The following BCL2L1 variants were observed in gnomAD, a reference collection of about 807,000 sequenced individuals.
The protein encoded by BCL2L1 is bcl-2-like protein 1.
In BCL2L1, 1 loss-of-function variant was observed where a neutral mutation model predicts 18.7. The observed-to-expected ratio is 0.05, with a 90% CI of 0.02 to 0.25. The LOEUF is 0.25. Among genes scored for constraint, BCL2L1 ranks in the 10% least tolerant of loss-of-function variants. BCL2L1 has a pLI of 1.00. For synonymous variants in BCL2L1, 103 were observed against 122.7 expected, an observed-to-expected ratio of 0.84 and a Z score of 1.06; for missense variants, 207 against 304.9, an observed-to-expected ratio of 0.68 and a Z score of 2.39.
At position 31,690,663 on chromosome 20, in the gene BCL2L1, T is replaced by C. The variant is rs1409136430; in HGVS notation, c.565-24577A>G. On this transcript the variant is annotated intron_variant, in intron 2 of 2. Coordinates refer to ENST00000307677, the MANE Select transcript of BCL2L1 (RefSeq NM_138578.3). ...TCAGCTCACTGCAACCTCCGTCTCC[T>C]GGGTTCAAGCAATTCTCATGTCTCA... Among the ~76,000 whole-genome samples, 4 of 151,794 alleles carry C rather than the reference T, an allele frequency of 2.6e-5. No individual in the cohort carries two copies. In the East Asian group the frequency reaches 7.8e-4, roughly 30 times the overall value.
intron 2 of BCL2L1, among the ~76,000 whole-genome samples, chr20:31,708,321 C>A (rs1320532125): frequency 6.6e-6 from 1 of 152,208 alleles, no homozygotes. Context: ...TCTTTCCTCC[C>A]CTGGGCAAGA....
intron 2 of BCL2L1, among the ~76,000 whole-genome samples, chr20:31,708,585 G>A (rs888517580): frequency 2.0e-5 from 3 of 152,138 alleles, no homozygotes; most frequent in Non-Finnish European, 4.4e-5. Flanking sequence ...CACCCTCCCT[G>A]AAATCTGCAC....
chr20:31,719,149 C>A (rs899052467), intron 2 of BCL2L1, among the ~76,000 whole-genome samples: 3 of 150,984 alleles, frequency 2.0e-5, no homozygotes, highest in Non-Finnish European at 4.5e-5. Flanking sequence ...AGGTACCATG[C>A]GTGGCTTATG....
intron 2 of BCL2L1, 99 bp from the exon 3 acceptor site, chr20:31,666,185 GA>G (rs1286513462): frequency 1.4e-6 from 2 of 1,475,480 alleles, no homozygotes; most frequent in Non-Finnish European, 1.9e-6. Context: ...TTGGTGATGT[GA>G]AAAACTGTAG....
chr20:31,709,423 A>T (rs2061418328), intron 2 of BCL2L1, among the ~76,000 whole-genome samples: 1 of 151,998 alleles, frequency 6.6e-6, no homozygotes, highest in Admixed American at 6.6e-5. Flanking sequence ...GTGCAATGGC[A>T]TGATTTCAGC....
intron 2 of BCL2L1, among the ~76,000 whole-genome samples, chr20:31,714,370 A>C (rs1428052913): frequency 2.0e-5 from 3 of 152,210 alleles, no homozygotes; most frequent in Admixed American, 2.0e-4. Flanking sequence ...AACACTGTGG[A>C]GCTCCTACTA....
Position 31,701,078 on chromosome 20 carries a change from G to A in BCL2L1, c.564+20577C>T, listed in dbSNP as rs369823244. Among the ~76,000 whole-genome samples the A allele has an allele frequency of 2.5e-3, 378 of 151,916 alleles. 3 individuals carry two copies. The highest frequency in any genetic ancestry group is 8.4e-3 in the African/African-American group (350 of 41,436). ...AATTAGATTTTTTTTTTTTGGAGACGGAGTCTTGCTCTGTCGCCAGGCCGG... is the reference window on the plus strand; with the variant it reads ...AATTAGATTTTTTTTTTTTGGAGACAGAGTCTTGCTCTGTCGCCAGGCCGG... On this transcript the variant is annotated intron_variant, in intron 2 of 2. Coordinates refer to ENST00000307677, the MANE Select transcript of BCL2L1 (RefSeq NM_138578.3).
At chr20:31,688,311 G>T (rs1000496551) in intron 2 of BCL2L1, among the ~76,000 whole-genome samples, 1 of 151,894 alleles carries the variant, frequency 6.6e-6, no homozygotes, top group African/African-American at 2.4e-5. Flanking sequence ...CAGCAAGGTG[G>T]TGGGCACCTG....
intron 2 of BCL2L1, among the ~76,000 whole-genome samples, chr20:31,667,008 C>T (rs2060598242): frequency 1.3e-5 from 2 of 152,170 alleles, no homozygotes; most frequent in Non-Finnish European, 2.9e-5. Context: ...GTCCTTTAAT[C>T]CTCCCAACAA....
At chr20:31,723,925 A>C (rs1458248939), upstream of BCL2L1, 24 of 985,412 alleles carry the variant, frequency 2.4e-5, no homozygotes, top group Non-Finnish European at 2.9e-5. Context: ...CTGAAGAGAC[A>C]GGGGAACTTG....
intron 2 of BCL2L1, among the ~76,000 whole-genome samples, chr20:31,678,898 T>A (rs1287243404): frequency 6.6e-6 from 1 of 152,086 alleles, no homozygotes; most frequent in Non-Finnish European, 1.5e-5. Flanking sequence ...GCAACACCCT[T>A]CTCTCCCCAC....
At chr20:31,690,014 G>A (rs1369633888) in intron 2 of BCL2L1, among the ~76,000 whole-genome samples, 1 of 152,164 alleles carries the variant, frequency 6.6e-6, no homozygotes, top group Non-Finnish European at 1.5e-5. Context: ...GCGAAACTCT[G>A]TCTCAAAAAA....
intron 2 of BCL2L1, among the ~76,000 whole-genome samples, chr20:31,680,302 AC>A (rs911560308): frequency 1.1e-4 from 17 of 152,202 alleles, no homozygotes; most frequent in African/African-American, 4.1e-4. Context: ...CCTTTCACCT[AC>A]CCAATATTTA....
chr20:31,703,138 G>C (rs2061310257), intron 2 of BCL2L1, among the ~76,000 whole-genome samples: 1 of 150,862 alleles, frequency 6.6e-6, no homozygotes, highest in African/African-American at 2.4e-5. Flanking sequence ...TCCACCTCCT[G>C]GGTTCAAGTG....
At chr20:31,701,825 C>T (rs2061281847) in intron 2 of BCL2L1, among the ~76,000 whole-genome samples, 1 of 152,156 alleles carries the variant, frequency 6.6e-6, no homozygotes, top group African/African-American at 2.4e-5. Flanking sequence ...TTTTTCATGT[C>T]TTAGGTTTTG....
At chr20:31,688,448 A>AC in intron 2 of BCL2L1, among the ~76,000 whole-genome samples, 1 of 150,888 alleles carries the variant, frequency 6.6e-6, no homozygotes, top group South Asian at 2.1e-4. Context: ...TGTCTCCAAA[A>AC]AAAAAAAAAA....
At chr20:31,721,542 TCAACGTCTC>T (rs2061630832) in intron 2 of BCL2L1, 104 bp downstream of exon 2, 1 of 1,312,598 alleles carries the variant, frequency 7.6e-7, no homozygotes, top group African/African-American at 1.5e-5. Flanking sequence ...TCCTCAACTA[TCAACGTCTC>T]CAACAATCAC....
intron 2 of BCL2L1, chr20:31,713,413 G>C (rs1052230170): frequency 2.0e-6 from 2 of 985,288 alleles, no homozygotes; most frequent in African/African-American, 3.5e-5. Flanking sequence ...CGGACCTCTA[G>C]GGACATTGCT....
chr20:31,690,342 C>G (rs1020826858), intron 2 of BCL2L1, among the ~76,000 whole-genome samples: 4 of 152,264 alleles, frequency 2.6e-5, no homozygotes, highest in African/African-American at 7.2e-5. Context: ...CCTTCCACCT[C>G]AGCCTCCCAA....
Sources: gnomAD v4.1 joint callset for allele counts (sites outside exome capture counted in the v4.1 genomes callset) on GRCh38, gnomAD v4.1.1 for gene constraint, MANE v1.5 for transcripts, NCBI Gene and HGNC (gene_info 2026-07-23, HGNC 2026-07-21) for gene names.